UST: variants seen among roughly 807,000 people sequenced by gnomAD.
UST encodes chondroitin sulfate 2-O-sulfotransferase.
In UST, 21 loss-of-function variants were observed where a neutral mutation model predicts 45.6. The observed-to-expected ratio is 0.46, with a 90% CI of 0.33 to 0.66. The LOEUF (loss-of-function observed/expected upper bound fraction) is 0.66, where lower values mean the gene tolerates loss of function less well. UST is among the 30% of genes least tolerant of loss of function. UST has a pLI of 0.02. For synonymous variants in UST, 215 were observed against 200.6 expected, an observed-to-expected ratio of 1.07 and a Z score of -0.61; for missense variants, 463 against 512.4, an observed-to-expected ratio of 0.90 and a Z score of 0.93.
At chr6:148,780,365 C>T (rs1776620831) in intron 1 of UST, among the ~76,000 whole-genome samples, 1 of 151,990 alleles carries the variant, frequency 6.6e-6, no homozygotes, top group African/African-American at 2.4e-5. Flanking sequence ...GTTTGTTGTA[C>T]AGATTATTTC....
At chr6:149,043,045 C>T (rs917720144) in intron 7 of UST, among the ~76,000 whole-genome samples, 27 of 131,718 alleles carry the variant, frequency 2.0e-4, no homozygotes, top group South Asian at 6.9e-4. Flanking sequence ...TTCTTTCTTT[C>T]CTTCTTTCCT....
intron 3 of UST, among the ~76,000 whole-genome samples, chr6:148,952,692 G>A (rs1780390091): frequency 6.6e-6 from 1 of 152,168 alleles, no homozygotes; most frequent in African/African-American, 2.4e-5. Context: ...TATTGTTCTT[G>A]TTGCTACTGC....
intron 1 of UST, among the ~76,000 whole-genome samples, chr6:148,781,835 G>A (rs1238264043): frequency 1.3e-5 from 2 of 152,128 alleles, no homozygotes; most frequent in Non-Finnish European, 2.9e-5. Flanking sequence ...GCCTGTGACA[G>A]CATATCTGTT....
At chr6:148,977,282 A>G (rs987034195) in intron 5 of UST, among the ~76,000 whole-genome samples, 9 of 151,388 alleles carry the variant, frequency 5.9e-5, no homozygotes, top group Admixed American at 1.3e-4. Flanking sequence ...TTGTATAATT[A>G]CATAATACAT....
chr6:148,981,832 G>A (rs753304795), intron 5 of UST, among the ~76,000 whole-genome samples: 8 of 152,172 alleles, frequency 5.3e-5, no homozygotes, highest in South Asian at 4.1e-4. Context: ...AGCTGGACAC[G>A]TCTTTCTAGG....
intron 1 of UST, among the ~76,000 whole-genome samples, chr6:148,816,647 T>C (rs2114737538): frequency 6.6e-6 from 1 of 152,198 alleles, no homozygotes; most frequent in East Asian, 1.9e-4. Flanking sequence ...GAGGAGTGAG[T>C]TGTAAAGTAT....
At chr6:148,756,642 C>T (rs1024434559) in intron 1 of UST, among the ~76,000 whole-genome samples, 9 of 152,210 alleles carry the variant, frequency 5.9e-5, no homozygotes, top group Admixed American at 5.2e-4. Context: ...GATCTCTAAA[C>T]TCCTGTAAGT....
chr6:149,009,028 A>C (rs1775763301), intron 5 of UST, among the ~76,000 whole-genome samples: 1 of 152,256 alleles, frequency 6.6e-6, no homozygotes, highest in African/African-American at 2.4e-5. Context: ...AAATAAGCAA[A>C]TGGAAACAAT....
chr6:148,959,875 A>G (rs1458874010), intron 4 of UST, among the ~76,000 whole-genome samples: 1 of 151,686 alleles, frequency 6.6e-6, no homozygotes, highest in Non-Finnish European at 1.5e-5. Flanking sequence ...TGGGCAGAGG[A>G]GATGGAAGTG....
intron 1 of UST, among the ~76,000 whole-genome samples, chr6:148,777,352 A>G (rs946231984): frequency 1.3e-5 from 2 of 152,246 alleles, no homozygotes; most frequent in Non-Finnish European, 2.9e-5. Flanking sequence ...CTCTCAGATA[A>G]TACCAAATCA....
intron 7 of UST, among the ~76,000 whole-genome samples, chr6:149,059,721 T>C (rs1776624511): frequency 6.6e-6 from 1 of 152,146 alleles, no homozygotes; most frequent in Admixed American, 6.5e-5. Flanking sequence ...AATAACTAAC[T>C]ACCACCACCG....
chr6:148,783,074 G>C (rs796598650), intron 1 of UST, among the ~76,000 whole-genome samples: 10 of 152,304 alleles, frequency 6.6e-5, no homozygotes, highest in African/African-American at 2.2e-4. Flanking sequence ...CCATCACCCT[G>C]ATCCATTAGC....
intron 7 of UST, among the ~76,000 whole-genome samples, chr6:149,060,700 G>T (rs1052326328): frequency 6.6e-6 from 1 of 152,086 alleles, no homozygotes; most frequent in Non-Finnish European, 1.5e-5. Flanking sequence ...GTGACTTTCG[G>T]CACACCTGTT....
At chr6:148,907,591 G>C (rs951162313) in intron 2 of UST, among the ~76,000 whole-genome samples, 2 of 152,134 alleles carry the variant, frequency 1.3e-5, no homozygotes, top group African/African-American at 4.8e-5. Context: ...CTCATTTCAA[G>C]GACCTCTTAG....
Position 148,771,775 on chromosome 6 carries a change from A to G in UST, c.247+24098A>G, listed in dbSNP as rs549944830. The stretch of plus-strand genomic sequence containing the variant: ...GTTTACTAAGGTAATTATAACATGT[A>G]CCTGAAATGAGAGAGTTTTTGCAGG... On this transcript the variant is annotated intron_variant, in intron 1 of 7. Coordinates refer to ENST00000367463, the MANE Select transcript of UST (RefSeq NM_005715.3). Among the ~76,000 whole-genome samples, 9 of 152,368 alleles carry G rather than the reference A, an allele frequency of 5.9e-5. No individual in the cohort carries two copies. In the South Asian group the frequency reaches 1.7e-3, roughly 28 times the overall value.
At chr6:148,849,528 A>T (rs1359811578) in intron 1 of UST, among the ~76,000 whole-genome samples, 1 of 152,190 alleles carries the variant, frequency 6.6e-6, no homozygotes, top group Non-Finnish European at 1.5e-5. Flanking sequence ...TCCTATAAGG[A>T]CATACTTGAG....
intron 5 of UST, among the ~76,000 whole-genome samples, chr6:148,986,564 CTTTG>C (rs1361555650): frequency 2.0e-5 from 3 of 152,222 alleles, no homozygotes. Context: ...CACATCAGTC[CTTTG>C]TTTGTTTGCT....
intron 7 of UST, among the ~76,000 whole-genome samples, chr6:149,024,070 AG>A (rs1267973983): frequency 6.6e-6 from 1 of 152,190 alleles, no homozygotes; most frequent in Non-Finnish European, 1.5e-5. Context: ...GTGGGATGAA[AG>A]GTTTCCATAA....
intron 1 of UST, among the ~76,000 whole-genome samples, chr6:148,751,999 T>C (rs1214510818): frequency 1.3e-5 from 2 of 152,222 alleles, no homozygotes; most frequent in Admixed American, 6.5e-5. Context: ...GATTTAGACT[T>C]TATGGGAGCT....
Sources: gnomAD v4.1 joint callset for allele counts (sites outside exome capture counted in the v4.1 genomes callset) on GRCh38, gnomAD v4.1.1 for gene constraint, MANE v1.5 for transcripts, NCBI Gene and HGNC (gene_info 2026-07-23, HGNC 2026-07-21) for gene names.